The following OR2L2 variants were observed in gnomAD, a reference collection of about 807,000 sequenced individuals.
OR2L2 encodes olfactory receptor 2L2.
For synonymous variants in OR2L2, 156 were observed against 135.4 expected, an observed-to-expected ratio of 1.15 and a Z score of -1.06; for missense variants, 378 against 375.2, an observed-to-expected ratio of 1.01 and a Z score of -0.06.
rs1662579422 is a variant in OR2L2, at chr1:248,030,108, T to C, written c.-224T>C. The C allele has an allele frequency of 6.6e-6, 1 of 152,042 alleles. No homozygotes were observed. Among genetic ancestry groups the C allele is most frequent in the African/African-American group, 2.4e-5 (1 of 41,412 alleles). 9.4% of individuals were successfully genotyped at this position (152,042 alleles called of 1,614,324 possible). ...CTCGTGTGTAGGGAAGAAAAATGAATATATGCATTTCTTTAAGCAATATTC... is the reference window on the plus strand; with the variant it reads ...CTCGTGTGTAGGGAAGAAAAATGAACATATGCATTTCTTTAAGCAATATTC... On this transcript the variant is annotated 5_prime_UTR_variant, in exon 1 of 3. Transcript: ENST00000641771.
chr1:248,038,747 A>G lies in OR2L2; in HGVS notation c.480A>G (p.Val160=), dbSNP rs138592707. 1.8e-5 allele frequency: 29 copies of G among 1,613,986 alleles called. No homozygotes were observed. The highest frequency in any genetic ancestry group is 2.5e-5 in the Non-Finnish European group (29 of 1,179,978). The change falls in exon 3 of 3, where the codon GTA becomes GTG. Residue 160 remains valine, a synonymous_variant. Transcript: ENST00000641771. ...CTATCAACTCTTGTGCTCACACAGT[A>G]TATGCACTCTGTATCCCATATTGCA... ...ISSINSCAHT[V]YALCIPYCKS... is the part of the protein sequence containing the mutation.
At chr1:248,036,879 A>G (rs191112490) in intron 2 of OR2L2, among the ~76,000 whole-genome samples, 1 of 152,296 alleles carries the variant, frequency 6.6e-6, no homozygotes, top group African/African-American at 2.4e-5. Flanking sequence ...CTTAACAAAA[A>G]ATTGATAAAT....
At chr1:248,035,697 G>A (rs527463872) in intron 2 of OR2L2, 73 bp downstream of exon 2, 1 of 151,962 alleles carries the variant, frequency 6.6e-6, no homozygotes, top group Admixed American at 6.6e-5. Context: ...ATGCTTATCT[G>A]CTAATGCTTG....
intron 2 of OR2L2, 56 bp from the exon 3 acceptor site, chr1:248,038,191 C>G: frequency 2.9e-6 from 3 of 1,027,388 alleles, no homozygotes; most frequent in Non-Finnish European, 4.4e-6. Context: ...TGTAATGCAG[C>G]CACTGTGGAT....
chr1:248,038,903 T>C lies in OR2L2; in HGVS notation c.636T>C (p.Gly212=), dbSNP rs768529351. 16 of 1,614,046 alleles carry C rather than the reference T, an allele frequency of 9.9e-6. No individual in the cohort carries two copies. The South Asian group carries it at 1.5e-4, about 16-fold the overall frequency. The change falls in exon 3 of 3, where the codon GGT becomes GGC. Residue 212 remains glycine (G), a synonymous_variant. Coordinates refer to ENST00000641771, the MANE Select transcript of OR2L2 (RefSeq NM_001385855.1). ...TCTTTCTTGTGCTTCCTTTCACTGG[T>C]ATTGCATGTTCCTATGGCCGGGTTC... is the stretch of plus-strand genomic sequence containing the variant. ...STIFLVLPFT[G]IACSYGRVLL...
At chr1:248,030,641 C>T (rs1465403353) in intron 1 of OR2L2, among the ~76,000 whole-genome samples, 1 of 151,934 alleles carries the variant, frequency 6.6e-6, no homozygotes. Flanking sequence ...GAGTGATGTG[C>T]GATTGTACGA....
At chr1:248,036,388 G>A (rs961633589) in intron 2 of OR2L2, among the ~76,000 whole-genome samples, 1 of 151,964 alleles carries the variant, frequency 6.6e-6, no homozygotes, top group Non-Finnish European at 1.5e-5. Context: ...ATATTTATTT[G>A]GTGGATTTTA....
rs1318141519 is a variant in OR2L2 at position 248,042,210 on chromosome 1, A to G, written c.*3004A>G. On this transcript the variant is annotated 3_prime_UTR_variant, in exon 3 of 3. Coordinates refer to ENST00000641771, the MANE Select transcript of OR2L2 (RefSeq NM_001385855.1). ...ATGAGTTCATGTCCTTTGTAGGGACATGGATGAAATTGGAAATCATCATTC... is the reference window on the plus strand; with the variant it reads ...ATGAGTTCATGTCCTTTGTAGGGACGTGGATGAAATTGGAAATCATCATTC... 6.6e-6 allele frequency: 1 copy of G among 152,134 alleles called. No homozygotes were observed. The highest frequency in any genetic ancestry group is 1.5e-5 in the Non-Finnish European group (1 of 68,030). The allele number at this position is 152,134 out of a possible 1,614,324, so 9.4% of individuals were successfully genotyped here. A position where few individuals can be genotyped will look rare whatever the true frequency, so the allele number is the denominator to read the frequency against.
In OR2L2 at chr1:248,032,533, G is replaced by C. The variant is rs1313783743; in HGVS notation, c.-97+2298G>C. ...CCTTGACTCCCTTCCCCCATCCCCA[G>C]GGGTCCAGCATTCTACTTTCTGTCT... On this transcript the variant is annotated intron_variant, in intron 1 of 2. Transcript: ENST00000641771. 2.0e-5 allele frequency among the ~76,000 whole-genome samples: 3 copies of C among 151,972 alleles called. No individual in the cohort carries two copies. In the South Asian group the frequency reaches 6.2e-4, roughly 32 times the overall value.
At chr1:248,032,963 T>C (rs1296176273) in intron 1 of OR2L2, among the ~76,000 whole-genome samples, 1 of 147,134 alleles carries the variant, frequency 6.8e-6, no homozygotes, top group Non-Finnish European at 1.5e-5. Context: ...TTTTTGTCTT[T>C]ACTATGCATT....
chr1:248,030,550 A>G (rs1572684416), intron 1 of OR2L2, among the ~76,000 whole-genome samples: 3 of 152,172 alleles, frequency 2.0e-5, no homozygotes, highest in African/African-American at 7.2e-5. Flanking sequence ...CACATTCACA[A>G]TAATTATTGT....
Position 248,035,595 on chromosome 1 carries a change from A to T in OR2L2, c.-51A>T, listed in dbSNP as rs969175688. On this transcript the variant is annotated 5_prime_UTR_variant, in exon 2 of 3. Transcript: ENST00000641771. ...AACAGTCCACAGGCTAAAATATTGG[A>T]CCCATAACAGACCCTTCCTGAACCC... 4 of 152,200 alleles carry T rather than the reference A, an allele frequency of 2.6e-5. No individual in the cohort carries two copies. The highest frequency in any genetic ancestry group is 2.6e-4 in the Admixed American group (4 of 15,284). The allele number at this position is 152,200 out of a possible 1,614,324, so 9.4% of individuals were successfully genotyped here. A position where few individuals can be genotyped will look rare whatever the true frequency, so the allele number is the denominator to read the frequency against.
chr1:248,032,343 A>G lies in OR2L2; in HGVS notation c.-97+2108A>G, dbSNP rs1252841831. Among the ~76,000 whole-genome samples the G allele has an allele frequency of 2.6e-5, 4 of 152,012 alleles. No homozygotes were observed. In the East Asian group the frequency reaches 7.7e-4, roughly 29 times the overall value. Reference sequence around the variant, plus strand: ...TACATGAGATAATACATATTATCTCATGTATTAAATATACATAAGATAAAC... The same window carrying G: ...TACATGAGATAATACATATTATCTCGTGTATTAAATATACATAAGATAAAC... On this transcript the variant is annotated intron_variant, in intron 1 of 2. Coordinates refer to ENST00000641771, the MANE Select transcript of OR2L2 (RefSeq NM_001385855.1).
chr1:248,035,224 G>C (rs1486469958), intron 1 of OR2L2, among the ~76,000 whole-genome samples: 1 of 152,022 alleles, frequency 6.6e-6, no homozygotes, highest in Non-Finnish European at 1.5e-5. Context: ...GCCGAGATGG[G>C]CGGATCACGA....
intron 1 of OR2L2, among the ~76,000 whole-genome samples, chr1:248,030,823 G>A (rs1287479940): frequency 1.3e-5 from 2 of 152,212 alleles, no homozygotes; most frequent in Non-Finnish European, 2.9e-5. Flanking sequence ...CATATTGCAC[G>A]TGCCAGTGTG....
rs750889217 is a variant in OR2L2 at position 248,038,493 on chromosome 1, A to G, written c.226A>G (p.Ile76Val). 2.0e-5 allele frequency: 33 copies of G among 1,613,678 alleles called. No individual in the cohort carries two copies. The highest frequency in any genetic ancestry group is 2.8e-5 in the Non-Finnish European group (33 of 1,179,786). ...SLIDLNYIST[I>V]VPKMVYDFLY... ...CATTGACCTAAATTACATCTCCACC[A>G]TTGTTCCAAAGATGGTTTATGATTT... The change falls in exon 3 of 3, where the codon ATT becomes GTT. Residue 76 changes from isoleucine (I) to valine (V), a missense_variant. Coordinates refer to ENST00000641771, the MANE Select transcript of OR2L2 (RefSeq NM_001385855.1).
chr1:248,036,130 T>G (rs772965829), intron 2 of OR2L2, among the ~76,000 whole-genome samples: 2 of 152,194 alleles, frequency 1.3e-5, no homozygotes, highest in Non-Finnish European at 2.9e-5. Flanking sequence ...TGAGAATTTT[T>G]GTATGGTATT....
intron 1 of OR2L2, among the ~76,000 whole-genome samples, 168 bp from the exon 2 acceptor site, chr1:248,035,382 G>A (rs922421180): frequency 6.6e-6 from 1 of 152,002 alleles, no homozygotes; most frequent in African/African-American, 2.4e-5. Context: ...CTGGGAGGCG[G>A]AGCTTGCAGT....
chr1:248,032,093 C>T (rs769918305), intron 1 of OR2L2, among the ~76,000 whole-genome samples: 7 of 152,066 alleles, frequency 4.6e-5, no homozygotes, highest in Admixed American at 6.6e-5. Flanking sequence ...TTGCATCAGT[C>T]TTAATGCTGA....
Sources: allele counts gnomAD v4.1 joint callset (sites outside exome capture counted in the v4.1 genomes callset), GRCh38; gene constraint gnomAD v4.1.1; transcripts MANE v1.5; gene names NCBI Gene and HGNC (gene_info 2026-07-23, HGNC 2026-07-21).